MYH3: variants seen among roughly 807,000 people sequenced by gnomAD.
The protein encoded by MYH3 is myosin heavy chain 3.
MYH3 carries 130 observed loss-of-function variants against 238.0 expected under a neutral mutation model. The ratio of observed to expected loss-of-function variants is 0.55; its 90% confidence interval spans 0.47 to 0.63. The LOEUF (loss-of-function observed/expected upper bound fraction) is 0.63. Among genes scored for constraint, MYH3 ranks in the 30% least tolerant of loss-of-function variants. The pLI is 0.00. For synonymous variants in MYH3, 880 were observed against 924.1 expected (o/e 0.95, Z 0.86); for missense variants, 1,853 against 2,374.9 (o/e 0.78, Z 4.57).
At position 10,632,704 on chromosome 17, in the gene MYH3, C is replaced by A; in HGVS notation, c.4728G>T (p.Lys1576Asn). The A allele has an allele frequency of 1.2e-6, 2 of 1,614,198 alleles. No homozygotes were observed. The highest frequency in any genetic ancestry group is 1.7e-6 in the Non-Finnish European group (2 of 1,180,026). The stretch of plus-strand genomic sequence containing the variant: ...CGATCTCTTCATCCTTCTCGGCGAT[C>A]TTTCTATCAATTTCTGATTTCACTT... ...LTQVKSEIDRKIAEKDEEIEQ... is the reference protein window; with the variant it reads ...LTQVKSEIDRNIAEKDEEIEQ... Residue 1576 changes from lysine (K) to asparagine (N), a missense_variant, in exon 34 of 41, where the codon AAG (lysine) becomes AAT (asparagine). Physicochemically the swap from Lys to Asn is moderately conservative, Grantham distance 94. This residue lies in a region of MYH3 where 1,044 missense variants were observed against 1,192.6 expected (regional missense o/e 0.88). Coordinates refer to ENST00000583535, the MANE Select transcript of MYH3 (RefSeq NM_002470.4).
chr17:10,645,629 A>T, intron 12 of MYH3, 78 bp downstream of exon 12: 4 of 1,572,970 alleles, frequency 2.5e-6, no homozygotes, highest in Non-Finnish European at 2.6e-6. Flanking sequence ...GGCTGGATTA[A>T]TTGCTTTCAA....
In MYH3 at chr17:10,631,751, G is replaced by A. The variant is rs932622821; in HGVS notation, c.5161-15C>T. On this transcript the variant is annotated splice_polypyrimidine_tract_variant and intron_variant, in intron 35 of 40. Coordinates refer to ENST00000583535, the MANE Select transcript of MYH3 (RefSeq NM_002470.4). The stretch of plus-strand genomic sequence containing the variant: ...AGGCTGGTGTTCTAGGGCAAGAGGA[G>A]GGCTGTTAACCAGGTGCGTATGAGG... 11 of 1,614,098 alleles carry A rather than the reference G, an allele frequency of 6.8e-6. No individual in the cohort carries two copies. The highest frequency in any genetic ancestry group is 8.5e-6 in the Non-Finnish European group (10 of 1,180,010).
chr17:10,633,836 G>C (rs2074187804), intron 32 of MYH3, 121 bp from the exon 33 acceptor site: 19 of 1,509,758 alleles, frequency 1.3e-5, no homozygotes, highest in Non-Finnish European at 1.7e-5. Flanking sequence ...CTGCTTCCTA[G>C]AGATAAGATA....
Position 10,649,673 on chromosome 17 carries a change from C to T in MYH3, c.546G>A (p.Gly182=). ...NQSILITGES[G]AGKTVNTKRV... ...GTTTGGTGTTCACAGTCTTTCCTGCCCCGGATTCTCCGCTGTACAGAGTGA... is the reference window on the plus strand; with the variant it reads ...GTTTGGTGTTCACAGTCTTTCCTGCTCCGGATTCTCCGCTGTACAGAGTGA... Residue 182 remains glycine (G), a synonymous_variant, in exon 7 of 41, where the codon GGG becomes GGA. Transcript: ENST00000583535. 1 of 1,614,106 alleles carries T rather than the reference C, an allele frequency of 6.2e-7. No homozygotes were observed. Among genetic ancestry groups the T allele is most frequent in the Non-Finnish European group, 8.5e-7 (1 of 1,179,970 alleles).
In MYH3 at chr17:10,651,148, G is replaced by A. The variant is rs377415738; in HGVS notation, c.505+364C>T. On this transcript the variant is annotated intron_variant, in intron 5 of 40. Coordinates refer to ENST00000583535, the MANE Select transcript of MYH3 (RefSeq NM_002470.4). ...TGTGGTGAGCCGAGATCACACCACT[G>A]CACTCCAGCCTGGGCAACATAGCAA... 6.0e-5 allele frequency among the ~76,000 whole-genome samples: 8 copies of A among 132,490 alleles called. 1 individual carries two copies. 86.9% of individuals were successfully genotyped at this position (132,490 alleles called of 152,430 possible).
intron 32 of MYH3, 49 bp from the exon 33 acceptor site, chr17:10,633,764 TC>T: frequency 6.2e-7 from 1 of 1,610,492 alleles, no homozygotes. Flanking sequence ...TGCGTGGGTT[TC>T]CAGACATGCA....
chr17:10,650,757 AT>A (rs1255408684), intron 5 of MYH3, among the ~76,000 whole-genome samples: 1 of 152,198 alleles, frequency 6.6e-6, no homozygotes, highest in Non-Finnish European at 1.5e-5. Context: ...TATACAATGC[AT>A]TATTACTTAT....
chr17:10,633,852 CAG>C lies in MYH3; in HGVS notation c.4523-139_4523-138del, dbSNP rs1039700897. 26 of 1,481,132 alleles carry C rather than the reference CAG, an allele frequency of 1.8e-5. 1 individual carries two copies. In the Middle Eastern group the frequency reaches 4.1e-3, roughly 236 times the overall value. 91.7% of individuals were successfully genotyped at this position (1,481,132 alleles called of 1,614,324 possible). On this transcript the variant is annotated intron_variant, in intron 32 of 40. Transcript: ENST00000583535. ...TGCTTCCTAGAGATAAGATATTGTA[CAG>C]AGAGAGGCTAAAACGTAACCCGTCA...
intron 32 of MYH3, 116 bp from the exon 33 acceptor site, chr17:10,633,831 T>G (rs2074187753): frequency 2.6e-6 from 4 of 1,518,004 alleles, no homozygotes; most frequent in Non-Finnish European, 3.6e-6. Context: ...GTTTCCTGCT[T>G]CCTAGAGATA....
chr17:10,676,817 A>G, the MYH3 span: 1 of 152,230 alleles, frequency 6.6e-6, no homozygotes, highest in Non-Finnish European at 1.5e-5. Context: ...CTGAGGATAT[A>G]GTATAATTAC....
Position 10,629,656 on chromosome 17 carries a change from T to C in MYH3, c.5737A>G (p.Ile1913Val), listed in dbSNP as rs1403544265. The change falls in exon 40 of 41, where the codon ATC becomes GTC. Residue 1913 changes from isoleucine (I) to valine (V), a missense_variant. This residue lies in a region of MYH3 where 1,044 missense variants were observed against 1,192.6 expected (regional missense o/e 0.88). Coordinates refer to ENST00000583535, the MANE Select transcript of MYH3 (RefSeq NM_002470.4). ...ELEEAEERADIAESQVNKLRA... is the reference protein window; with the variant it reads ...ELEEAEERADVAESQVNKLRA... ...AGCTTGTTGACTTGAGATTCTGCGA[T>C]ATCCGCACGTTCCTCGGCCTCCTCC... 6 of 1,614,132 alleles carry C rather than the reference T, an allele frequency of 3.7e-6. No homozygotes were observed. In the African/African-American group the frequency reaches 5.3e-5, roughly 14 times the overall value.
chr17:10,635,236 A>T (rs1176561120), intron 30 of MYH3, 131 bp downstream of exon 30: 7 of 1,478,784 alleles, frequency 4.7e-6, no homozygotes, highest in Non-Finnish European at 6.5e-6. Context: ...AAAATGTGCT[A>T]ACGCCAGGTC....
intron 8 of MYH3, 34 bp from the exon 9 acceptor site, chr17:10,647,460 T>G: frequency 6.2e-7 from 1 of 1,606,434 alleles, no homozygotes; most frequent in Non-Finnish European, 8.5e-7. Flanking sequence ...GAGACCAGAT[T>G]CTACCATGGC....
At chr17:10,668,396 T>C in the MYH3 span, among the ~76,000 whole-genome samples, 14 of 152,164 alleles carry the variant, frequency 9.2e-5, no homozygotes, top group African/African-American at 3.4e-4. Flanking sequence ...CTCTTCTATC[T>C]ATCTACCTAC....
Position 10,639,296 on chromosome 17 carries a change from A to C in MYH3, c.3102+2T>G, listed in dbSNP as rs1404988123. On this transcript the variant is annotated splice_donor_variant, in intron 24 of 40. Coordinates refer to ENST00000583535, the MANE Select transcript of MYH3 (RefSeq NM_002470.4). LOFTEE classifies it high-confidence loss of function. ...GACTCCCGATGAGCATTATTTACTTACGTCTTCCACTTGCTGTTCCAGTTT... is the reference window on the plus strand; with the variant it reads ...GACTCCCGATGAGCATTATTTACTTCCGTCTTCCACTTGCTGTTCCAGTTT... 1.2e-6 allele frequency: 2 copies of C among 1,613,908 alleles called. No homozygotes were observed. Among genetic ancestry groups the C allele is most frequent in the South Asian group, 2.2e-5 (2 of 91,076 alleles).
rs1214678069 is a variant in MYH3 at position 10,638,404 on chromosome 17, A to G, written c.3368T>C (p.Ile1123Thr). The change falls in exon 27 of 41, where the codon ATA (isoleucine) becomes ACA (threonine). Residue 1123 changes from isoleucine to threonine, a missense_variant. By Grantham distance (89) the Ile-to-Thr change is moderately conservative (BLOSUM62 -1). Transcript: ENST00000583535. ...CGCGCGGGTGGCCCTCTCCGCCTCT[A>G]TCTCCTCTTCCAGCTCCTCAATTCG... is the stretch of plus-strand genomic sequence containing the variant. ...QARIEELEEE[I>T]EAERATRAKT... The G allele has an allele frequency of 2.5e-6, 4 of 1,600,312 alleles. No individual in the cohort carries two copies. The highest frequency in any genetic ancestry group is 3.4e-6 in the Non-Finnish European group (4 of 1,179,830).
chr17:10,669,445 C>T, the MYH3 span, among the ~76,000 whole-genome samples: 1 of 151,506 alleles, frequency 6.6e-6, no homozygotes, highest in Non-Finnish European at 1.5e-5. Flanking sequence ...CCCAGCTACT[C>T]AGGAGGCTGA....
chr17:10,640,807 T>A, intron 19 of MYH3, 121 bp from the exon 20 acceptor site: 1 of 1,277,888 alleles, frequency 7.8e-7, no homozygotes, highest in Non-Finnish European at 1.1e-6. Context: ...ATGAGGGAAC[T>A]AGCTCGGAGT....
intron 5 of MYH3, 80 bp from the exon 6 acceptor site, chr17:10,650,481 G>T: frequency 7.7e-7 from 1 of 1,298,198 alleles, no homozygotes; most frequent in Non-Finnish European, 1.1e-6. Context: ...CAAGTAGCCA[G>T]AGTTAAATTG....
Sources: gnomAD v4.1 joint callset for allele counts (sites outside exome capture counted in the v4.1 genomes callset) on GRCh38, gnomAD v4.1.1 for gene constraint, gnomAD v4.1.1 regional missense constraint, MANE v1.5 for transcripts, NCBI Gene and HGNC (gene_info 2026-07-23, HGNC 2026-07-21) for gene names.